SLAIN2: variants seen among roughly 807,000 people sequenced by gnomAD.
SLAIN2 encodes SLAIN motif-containing protein 2.
In SLAIN2, 31 loss-of-function variants were observed where a neutral mutation model predicts 56.6. That is an observed-to-expected ratio of 0.55 (90% CI 0.41 to 0.74). SLAIN2 has a LOEUF of 0.74. Among genes scored for constraint, SLAIN2 ranks in the 30% least tolerant of loss-of-function variants. The pLI is 0.00. For missense variants in SLAIN2, 777 were observed against 754.2 expected (o/e 1.03, Z -0.35); for synonymous variants, 317 against 284.9 (o/e 1.11, Z -1.13).
intron 1 of SLAIN2, among the ~76,000 whole-genome samples, chr4:48,348,768 A>G (rs560952327): frequency 1.3e-5 from 2 of 152,076 alleles, no homozygotes; most frequent in East Asian, 1.9e-4. Context: ...CAGCGGAAGC[A>G]TCATGAATGT....
At chr4:48,343,454 G>C (rs1232797464) in intron 1 of SLAIN2, among the ~76,000 whole-genome samples, 3 of 152,152 alleles carry the variant, frequency 2.0e-5, no homozygotes, top group Non-Finnish European at 2.9e-5. Flanking sequence ...AGGAGATTCT[G>C]GTGATTCTTA....
intron 6 of SLAIN2, among the ~76,000 whole-genome samples, chr4:48,385,900 G>A (rs531764188): frequency 6.6e-6 from 1 of 151,582 alleles, no homozygotes; most frequent in South Asian, 2.1e-4. Flanking sequence ...GCAGGAGTTT[G>A]AGACCAGCCT....
intron 6 of SLAIN2, among the ~76,000 whole-genome samples, chr4:48,398,362 T>C (rs1716464504): frequency 6.6e-6 from 1 of 152,208 alleles, no homozygotes; most frequent in Non-Finnish European, 1.5e-5. Flanking sequence ...TTCTTGTAAA[T>C]TTGTTTCAGT....
chr4:48,397,404 T>C (rs77439399), intron 6 of SLAIN2, among the ~76,000 whole-genome samples: 2,314 of 152,192 alleles, frequency 0.015, 42 homozygotes, highest in African/African-American at 0.052. Context: ...AAGAAGGAAT[T>C]AATGATGGTA....
chr4:48,385,966 G>T (rs1405943920), intron 6 of SLAIN2, among the ~76,000 whole-genome samples: 1 of 149,908 alleles, frequency 6.7e-6, no homozygotes, highest in African/African-American at 2.5e-5. Flanking sequence ...AATTACCCAG[G>T]CATGATGGTC....
At chr4:48,354,677 G>A (rs185323572) in intron 1 of SLAIN2, among the ~76,000 whole-genome samples, 47 of 152,096 alleles carry the variant, frequency 3.1e-4, no homozygotes, top group Non-Finnish European at 5.1e-4. Context: ...ATGTTGTCCC[G>A]GCTGGTCTCA....
intron 1 of SLAIN2, among the ~76,000 whole-genome samples, chr4:48,364,678 G>T (rs1234865969): frequency 8.2e-6 from 1 of 122,458 alleles, no homozygotes; most frequent in Non-Finnish European, 1.9e-5. Context: ...GCTGGAGATC[G>T]GCCCGGCCAA....
rs1029014157 is a variant in SLAIN2, at chr4:48,423,955, C to T, written c.*1878C>T. 6.6e-6 allele frequency: 1 copy of T among 152,002 alleles called. No homozygotes were observed. The highest frequency in any genetic ancestry group is 1.5e-5 in the Non-Finnish European group (1 of 67,986). 9.4% of individuals were successfully genotyped at this position (152,002 alleles called of 1,614,324 possible). A position where few individuals can be genotyped will look rare whatever the true frequency, so the allele number is the denominator to read the frequency against. ...TACTGTCTCTTTTAAAAACCACGTA[C>T]AAAACAGAACAAGTCTCAGTTTTCA... On this transcript the variant is annotated 3_prime_UTR_variant, in exon 8 of 8. Transcript: ENST00000264313.
intron 1 of SLAIN2, among the ~76,000 whole-genome samples, chr4:48,358,561 C>T (rs1013714890): frequency 6.6e-6 from 1 of 152,156 alleles, no homozygotes; most frequent in African/African-American, 2.4e-5. Flanking sequence ...GGTGATCCGC[C>T]TGCCTCAGTC....
chr4:48,419,861 T>A (rs913224664), intron 6 of SLAIN2, among the ~76,000 whole-genome samples: 4 of 152,192 alleles, frequency 2.6e-5, no homozygotes, highest in Non-Finnish European at 5.9e-5. Context: ...GTGCCTTTTC[T>A]CTTCTGGTAT....
In SLAIN2 at chr4:48,412,401, CACACACACACACACAT is replaced by C. The variant is rs1323620392; in HGVS notation, c.1361-7723_1361-7708del. On this transcript the variant is annotated intron_variant, in intron 6 of 7. Coordinates refer to ENST00000264313, the MANE Select transcript of SLAIN2 (RefSeq NM_020846.2). The stretch of plus-strand genomic sequence containing the variant: ...ACACACACACACACACACACACACA[CACACACACACACACAT>C]TCCCTCTCTCTCTCTCTCTCTGTGT... Among the ~76,000 whole-genome samples, 65 of 56,492 alleles carry C rather than the reference CACACACACACACACAT, an allele frequency of 1.2e-3. 2 individuals carry two copies. Among genetic ancestry groups the C allele is most frequent in the South Asian group, 4.3e-3 (4 of 934 alleles). 37.1% of individuals were successfully genotyped at this position (56,492 alleles called of 152,430 possible).
At chr4:48,399,217 C>A (rs1441050038) in intron 6 of SLAIN2, among the ~76,000 whole-genome samples, 2 of 152,156 alleles carry the variant, frequency 1.3e-5, no homozygotes, top group Non-Finnish European at 1.5e-5. Flanking sequence ...AGAGGTCTTT[C>A]ATTTCCCTTG....
intron 1 of SLAIN2, among the ~76,000 whole-genome samples, chr4:48,348,705 AAG>A (rs1491016651): frequency 3.9e-4 from 57 of 147,364 alleles, no homozygotes; most frequent in African/African-American, 1.3e-3. Context: ...AAAAAAAAAA[AAG>A]AAGATACCTT....
chr4:48,363,527 G>A (rs1205654022), intron 1 of SLAIN2, among the ~76,000 whole-genome samples: 3 of 73,196 alleles, frequency 4.1e-5, no homozygotes, highest in African/African-American at 1.4e-4. Context: ...CCGGGCAGAG[G>A]CGCCCCTCAC....
At chr4:48,407,618 T>G (rs192075104) in intron 6 of SLAIN2, among the ~76,000 whole-genome samples, 510 of 152,324 alleles carry the variant, frequency 3.3e-3, no homozygotes, top group African/African-American at 0.012. Context: ...CTTACTAATT[T>G]TATGGTTCTT....
At chr4:48,363,564 G>A (rs1314969227) in intron 1 of SLAIN2, among the ~76,000 whole-genome samples, 23 of 92,134 alleles carry the variant, frequency 2.5e-4, no homozygotes, top group South Asian at 4.8e-4. Flanking sequence ...CTGGCCGGGC[G>A]GAGGGCTGAA....
At position 48,421,417 on chromosome 4, in the gene SLAIN2, A is replaced by G. The variant is rs527864464; in HGVS notation, c.1680-594A>G. Among the ~76,000 whole-genome samples the G allele has an allele frequency of 2.6e-5, 4 of 152,318 alleles. 1 individual carries two copies. In the South Asian group the frequency reaches 8.3e-4, roughly 32 times the overall value. ...CACCATCAGTAAACTTTGGTGTCAAATATAATTAAACTGGAAATATTTATC... is the reference window on the plus strand; with the variant it reads ...CACCATCAGTAAACTTTGGTGTCAAGTATAATTAAACTGGAAATATTTATC... On this transcript the variant is annotated intron_variant, in intron 7 of 7. Coordinates refer to ENST00000264313, the MANE Select transcript of SLAIN2 (RefSeq NM_020846.2).
intron 2 of SLAIN2, among the ~76,000 whole-genome samples, chr4:48,374,179 A>G (rs76842619): frequency 0.028 from 4,267 of 152,298 alleles, 65 homozygotes; most frequent in Admixed American, 0.045. Context: ...GGCCAGAAAG[A>G]TACATAGGAA....
At chr4:48,375,563 T>G (rs1715790285) in intron 2 of SLAIN2, among the ~76,000 whole-genome samples, 1 of 152,212 alleles carries the variant, frequency 6.6e-6, no homozygotes, top group Non-Finnish European at 1.5e-5. Context: ...CATCAAGATT[T>G]CTGTCATTTT....
Sources: gnomAD v4.1 joint callset for allele counts (sites outside exome capture counted in the v4.1 genomes callset) on GRCh38, gnomAD v4.1.1 for gene constraint, MANE v1.5 for transcripts, NCBI Gene and HGNC (gene_info 2026-07-23, HGNC 2026-07-21) for gene names.